The following DYRK1A variants were observed in gnomAD, a reference collection of about 807,000 sequenced individuals.
DYRK1A encodes the protein dual specificity tyrosine-phosphorylation-regulated kinase 1A.
In DYRK1A, 9 loss-of-function variants were observed where a neutral mutation model predicts 79.7. The ratio of observed to expected loss-of-function variants is 0.11; its 90% CI spans 0.07 to 0.20. The LOEUF (loss-of-function observed/expected upper bound fraction) is 0.20, where lower values mean the gene tolerates loss of function less well. DYRK1A is among the 10% of genes least tolerant of loss of function. The pLI is 1.00. For synonymous variants in DYRK1A, 349 were observed against 329.7 expected (o/e 1.06, Z -0.63); for missense variants, 622 against 956.0 (o/e 0.65, Z 4.61).
chr21:37,490,145 A>G lies in DYRK1A; in HGVS notation c.638-30A>G, dbSNP rs1214981740. The stretch of plus-strand genomic sequence containing the variant: ...TTACTCTCAGTTTATTGGTATATAT[A>G]ATTTAAAATGAAACTGTTTTCTCTT... On this transcript the variant is annotated intron_variant, in intron 6 of 11. Transcript: ENST00000647188. 6 of 1,594,032 alleles carry G rather than the reference A, an allele frequency of 3.8e-6. No individual in the cohort carries two copies. In the South Asian group the frequency reaches 6.8e-5, roughly 18 times the overall value.
intron 2 of DYRK1A, among the ~76,000 whole-genome samples, chr21:37,422,424 C>T (rs781683179): frequency 6.6e-6 from 1 of 152,078 alleles, no homozygotes; most frequent in African/African-American, 2.4e-5. Flanking sequence ...AGATGTTCAC[C>T]GAAAGTTGTT....
At chr21:37,501,147 GT>G (rs1037413771) in intron 9 of DYRK1A, among the ~76,000 whole-genome samples, 1 of 81,616 alleles carries the variant, frequency 1.2e-5, no homozygotes, top group Non-Finnish European at 2.6e-5. Context: ...CTTTTTATAT[GT>G]TTTTTTTGTT....
intron 2 of DYRK1A, among the ~76,000 whole-genome samples, chr21:37,439,473 G>A (rs957678414): frequency 6.6e-6 from 1 of 152,130 alleles, no homozygotes; most frequent in Non-Finnish European, 1.5e-5. Context: ...CCAACCCCTG[G>A]TACTGTCTGA....
At chr21:37,391,009 G>T (rs2049859936) in intron 1 of DYRK1A, among the ~76,000 whole-genome samples, 1 of 152,206 alleles carries the variant, frequency 6.6e-6, no homozygotes, top group Non-Finnish European at 1.5e-5. Context: ...CCTCATATTA[G>T]ATACAGATTA....
At chr21:37,396,300 T>G (rs1403092958) in intron 1 of DYRK1A, among the ~76,000 whole-genome samples, 2 of 152,174 alleles carry the variant, frequency 1.3e-5, no homozygotes, top group African/African-American at 4.8e-5. Context: ...AAGAAAATTT[T>G]CAAAATGAGT....
At chr21:37,398,075 AAATATAT>A (rs2049988246) in intron 1 of DYRK1A, among the ~76,000 whole-genome samples, 2 of 112,052 alleles carry the variant, frequency 1.8e-5, no homozygotes, top group South Asian at 4.9e-4. Context: ...CTTAAAAAAA[AAATATAT>A]ATATATATTT....
chr21:37,400,504 T>A (rs1602407974), intron 1 of DYRK1A, among the ~76,000 whole-genome samples: 1 of 152,204 alleles, frequency 6.6e-6, no homozygotes, highest in African/African-American at 2.4e-5. Context: ...TAAGAATTAG[T>A]CATAGTTTTA....
At chr21:37,442,439 T>G (rs980108854) in intron 2 of DYRK1A, among the ~76,000 whole-genome samples, 2 of 152,206 alleles carry the variant, frequency 1.3e-5, no homozygotes, top group African/African-American at 4.8e-5. Flanking sequence ...TGAGTACTCA[T>G]TTGGAATTCT....
intron 2 of DYRK1A, among the ~76,000 whole-genome samples, chr21:37,462,798 A>G (rs1006153896): frequency 6.6e-6 from 1 of 152,112 alleles, no homozygotes; most frequent in African/African-American, 2.4e-5. Context: ...ATAGGAAACC[A>G]GGGGGATTGT....
chr21:37,486,438 AAT>A (rs766140525), intron 5 of DYRK1A, 27 bp from the exon 6 acceptor site: 10 of 1,411,888 alleles, frequency 7.1e-6, no homozygotes, highest in Non-Finnish European at 8.4e-6. Flanking sequence ...CAATTAATGA[AAT>A]AGAGAATTAT....
At chr21:37,455,058 G>C (rs1193381749) in intron 2 of DYRK1A, among the ~76,000 whole-genome samples, 1 of 143,906 alleles carries the variant, frequency 6.9e-6, no homozygotes, top group African/African-American at 2.7e-5. Flanking sequence ...GCATACTTGA[G>C]CAGGTTAGGT....
chr21:37,403,656 T>A (rs1291632505), intron 1 of DYRK1A, among the ~76,000 whole-genome samples: 1 of 125,746 alleles, frequency 8.0e-6, no homozygotes, highest in African/African-American at 3.2e-5. Flanking sequence ...AAAATATATA[T>A]ATATATATGT....
chr21:37,383,176 A>G (rs2049693151), intron 1 of DYRK1A, among the ~76,000 whole-genome samples: 1 of 152,220 alleles, frequency 6.6e-6, no homozygotes, highest in Admixed American at 6.5e-5. Context: ...TAGAATCTGT[A>G]TTCTCTAGTC....
chr21:37,481,993 C>T (rs1473692150), intron 5 of DYRK1A, among the ~76,000 whole-genome samples: 3 of 152,170 alleles, frequency 2.0e-5, no homozygotes, highest in Non-Finnish European at 4.4e-5. Context: ...GCCTTGCAGC[C>T]CTTGTGGAAT....
intron 11 of DYRK1A, among the ~76,000 whole-genome samples, chr21:37,507,777 C>T (rs767605880): frequency 2.2e-4 from 33 of 151,560 alleles, no homozygotes; most frequent in African/African-American, 3.9e-4. Flanking sequence ...TTCCCTACTC[C>T]GCTTAATGTT....
At chr21:37,372,918 A>T (rs1168037169) in intron 1 of DYRK1A, among the ~76,000 whole-genome samples, 1 of 152,082 alleles carries the variant, frequency 6.6e-6, no homozygotes, top group Non-Finnish European at 1.5e-5. Flanking sequence ...TGCAAATATG[A>T]TTATTCATAT....
intron 2 of DYRK1A, among the ~76,000 whole-genome samples, chr21:37,469,664 A>G (rs956774543): frequency 3.3e-5 from 5 of 152,152 alleles, no homozygotes. Context: ...GTCAGGCAAA[A>G]GGGGGAGGTG....
intron 3 of DYRK1A, among the ~76,000 whole-genome samples, chr21:37,477,955 T>C (rs2052459645): frequency 1.3e-5 from 2 of 152,196 alleles, no homozygotes; most frequent in African/African-American, 4.8e-5. Flanking sequence ...ACTTTAAATT[T>C]GGCGGAATAG....
At chr21:37,418,511 G>A (rs1048631249) in intron 1 of DYRK1A, among the ~76,000 whole-genome samples, 21 of 152,134 alleles carry the variant, frequency 1.4e-4, no homozygotes, top group Non-Finnish European at 3.1e-4. Context: ...CGAGGTGTAA[G>A]TAGCATTGTA....
Sources: gnomAD v4.1 joint callset for allele counts (sites outside exome capture counted in the v4.1 genomes callset) on GRCh38, gnomAD v4.1.1 for gene constraint, MANE v1.5 for transcripts, NCBI Gene and HGNC (gene_info 2026-07-23, HGNC 2026-07-21) for gene names.